The following PDE4D variants were observed in gnomAD, a reference collection of about 807,000 sequenced individuals.
The protein encoded by PDE4D is 3',5'-cyclic-AMP phosphodiesterase 4D.
Under a neutral mutation model 87.4 loss-of-function variants are expected in PDE4D, and 24 were observed. The ratio of observed to expected loss-of-function variants is 0.27; its 90% CI spans 0.20 to 0.39. The LOEUF (loss-of-function observed/expected upper bound fraction) is 0.39, where lower values mean the gene tolerates loss of function less well. PDE4D is among the 10% of genes least tolerant of loss of function. The probability of loss-of-function intolerance (pLI) is 1.00; values close to 1 mark genes in which losing one functional copy is unlikely to be tolerated. For synonymous variants in PDE4D, 384 were observed against 383.2 expected (o/e 1.00, Z -0.02); for missense variants, 714 against 1,041.0 (o/e 0.69, Z 4.32).
At chr5:60,337,388 T>TATATATACAC (rs66871903) in intron 1 of PDE4D, among the ~76,000 whole-genome samples, 40 of 89,450 alleles carry the variant, frequency 4.5e-4, no homozygotes, top group South Asian at 1.2e-3. Flanking sequence ...TATATATATA[T>TATATATACAC]ACACACACAC....
intron 1 of PDE4D, among the ~76,000 whole-genome samples, chr5:59,705,607 G>A (rs1377869724): frequency 2.6e-5 from 4 of 152,064 alleles, no homozygotes; most frequent in Admixed American, 6.6e-5. Flanking sequence ...AATAAAATTA[G>A]ATGCTTTTAG....
intron 5 of PDE4D, among the ~76,000 whole-genome samples, chr5:59,174,854 T>C (rs1355904151): frequency 6.6e-6 from 1 of 152,184 alleles, no homozygotes; most frequent in Non-Finnish European, 1.5e-5. Context: ...TCACTAGGTC[T>C]CAGTTTTTTC....
intron 1 of PDE4D, among the ~76,000 whole-genome samples, chr5:59,553,228 C>T (rs540329186): frequency 1.3e-5 from 2 of 152,136 alleles, no homozygotes; most frequent in South Asian, 4.1e-4. Context: ...CCTCACTTTC[C>T]CTCACTCCCA....
intron 5 of PDE4D, among the ~76,000 whole-genome samples, chr5:59,119,168 A>G (rs1774085245): frequency 6.6e-6 from 1 of 152,208 alleles, no homozygotes; most frequent in Non-Finnish European, 1.5e-5. Context: ...GCGTGACCAT[A>G]TTCACGAAAG....
At chr5:59,700,752 G>T (rs1346770339) in intron 1 of PDE4D, among the ~76,000 whole-genome samples, 1 of 152,030 alleles carries the variant, frequency 6.6e-6, no homozygotes, top group African/African-American at 2.4e-5. Context: ...GTAAATGACT[G>T]GTCCCCTTCT....
chr5:59,469,442 A>T (rs1802097553), intron 1 of PDE4D, among the ~76,000 whole-genome samples: 1 of 152,234 alleles, frequency 6.6e-6, no homozygotes, highest in South Asian at 2.1e-4. Flanking sequence ...ATAAATAATA[A>T]GTGGCAAACA....
chr5:59,288,196 A>G (rs1767352582), intron 1 of PDE4D, among the ~76,000 whole-genome samples: 1 of 152,118 alleles, frequency 6.6e-6, no homozygotes, highest in Admixed American at 6.6e-5. Flanking sequence ...ATGGAATTCA[A>G]GATAACACAC....
intron 2 of PDE4D, among the ~76,000 whole-genome samples, chr5:60,121,256 C>T (rs1778650099): frequency 6.6e-6 from 1 of 151,288 alleles, no homozygotes; most frequent in Non-Finnish European, 1.5e-5. Context: ...ACTAACACAC[C>T]CACTTTAGGG....
At chr5:59,905,720 T>C (rs575555669) in intron 3 of PDE4D, among the ~76,000 whole-genome samples, 4 of 152,272 alleles carry the variant, frequency 2.6e-5, no homozygotes, top group African/African-American at 7.2e-5. Context: ...AATGCATGTA[T>C]ACCTAAGTAT....
chr5:60,311,018 C>CTTT (rs67263352), intron 1 of PDE4D, among the ~76,000 whole-genome samples: 2,503 of 139,642 alleles, frequency 0.018, 67 homozygotes, highest in African/African-American at 0.064. Flanking sequence ...TAAAATAAGT[C>CTTT]TTTTTTTTTT....
chr5:59,509,398 T>C (rs536498754), intron 1 of PDE4D, among the ~76,000 whole-genome samples: 18 of 142,718 alleles, frequency 1.3e-4, no homozygotes, highest in Admixed American at 1.4e-4. Context: ...AAGACATTTT[T>C]AAATAAAAAG....
chr5:59,238,583 G>A (rs1756979854), intron 1 of PDE4D, among the ~76,000 whole-genome samples: 1 of 152,112 alleles, frequency 6.6e-6, no homozygotes, highest in Admixed American at 6.6e-5. Flanking sequence ...AACAAAAACT[G>A]CCTCTGCCTT....
At position 59,012,595 on chromosome 5, in the gene PDE4D, A is replaced by G. The variant is rs1283613295; in HGVS notation, c.922-19130T>C. Among the ~76,000 whole-genome samples the G allele has an allele frequency of 7.9e-5, 12 of 152,356 alleles. No homozygotes were observed. In the South Asian group the frequency reaches 2.3e-3, roughly 29 times the overall value. Reference sequence around the variant, plus strand: ...TGGTAAAGGGATCAATTCAACAAGAAGAGCTAACTATCCTAAATATATATG... The same window carrying G: ...TGGTAAAGGGATCAATTCAACAAGAGGAGCTAACTATCCTAAATATATATG... On this transcript the variant is annotated intron_variant, in intron 6 of 14. Coordinates refer to ENST00000340635, the MANE Select transcript of PDE4D (RefSeq NM_001104631.2).
intron 1 of PDE4D, among the ~76,000 whole-genome samples, chr5:60,274,488 G>A (rs1269171985): frequency 6.6e-6 from 1 of 152,012 alleles, no homozygotes; most frequent in Non-Finnish European, 1.5e-5. Context: ...AGCCTCCCAA[G>A]TAGCTGAGAT....
At chr5:59,829,519 C>T (rs1045442088) in intron 1 of PDE4D, among the ~76,000 whole-genome samples, 4 of 152,046 alleles carry the variant, frequency 2.6e-5, no homozygotes, top group Middle Eastern at 3.4e-3. Flanking sequence ...CACTCTCTTC[C>T]GGTTTGTCAG....
chr5:60,028,075 A>G (rs1289234211), intron 2 of PDE4D, among the ~76,000 whole-genome samples: 1 of 152,188 alleles, frequency 6.6e-6, no homozygotes, highest in Admixed American at 6.5e-5. Context: ...CATTTGCTAA[A>G]TGATTCTTTT....
chr5:59,504,540 T>C (rs1808884619), intron 1 of PDE4D, among the ~76,000 whole-genome samples: 2 of 152,204 alleles, frequency 1.3e-5, no homozygotes, highest in South Asian at 4.1e-4. Flanking sequence ...ATTTCTGTTC[T>C]CATACAATTT....
At chr5:59,321,065 G>A (rs1052416070) in intron 1 of PDE4D, among the ~76,000 whole-genome samples, 1 of 152,148 alleles carries the variant, frequency 6.6e-6, no homozygotes, top group Non-Finnish European at 1.5e-5. Context: ...ATGAAACACA[G>A]GGCCCAGGGA....
At chr5:60,051,363 A>G (rs958302286) in intron 2 of PDE4D, among the ~76,000 whole-genome samples, 3 of 152,246 alleles carry the variant, frequency 2.0e-5, no homozygotes, top group Admixed American at 1.3e-4. Context: ...AGTGCAAATT[A>G]GAACTCAGGA....
Sources: allele counts gnomAD v4.1 joint callset (sites outside exome capture counted in the v4.1 genomes callset), GRCh38; gene constraint gnomAD v4.1.1; transcripts MANE v1.5; gene names NCBI Gene and HGNC (gene_info 2026-07-23, HGNC 2026-07-21).